The following CPQ variants were observed in gnomAD, a reference collection of about 807,000 sequenced individuals.
The protein encoded by CPQ is Ser-Met dipeptidase.
In CPQ, 37 loss-of-function variants were observed where a neutral mutation model predicts 45.7. The ratio of observed to expected loss-of-function variants is 0.81; its 90% CI spans 0.62 to 1.07. The LOEUF is 1.07. CPQ is among the 50% of genes least tolerant of loss of function. CPQ has a pLI of 0.00. For missense variants in CPQ, 537 were observed against 572.9 expected (o/e 0.94, Z 0.64); for synonymous variants, 186 against 205.8 (o/e 0.90, Z 0.82).
intron 6 of CPQ, among the ~76,000 whole-genome samples, chr8:97,037,107 A>G (rs377352360): frequency 2.0e-5 from 3 of 152,236 alleles, no homozygotes; most frequent in African/African-American, 7.2e-5. Flanking sequence ...CTCTTTATGT[A>G]TAGAAATACA....
intron 1 of CPQ, among the ~76,000 whole-genome samples, chr8:96,775,380 A>C (rs1306702713): frequency 6.6e-6 from 1 of 152,190 alleles, no homozygotes; most frequent in Non-Finnish European, 1.5e-5. Flanking sequence ...TTATTTCAAA[A>C]TGTGAATTCT....
chr8:97,063,566 A>G (rs1810588414), intron 6 of CPQ, among the ~76,000 whole-genome samples: 1 of 152,068 alleles, frequency 6.6e-6, no homozygotes. Context: ...CCAGAATGGT[A>G]TGCCTAGGTT....
chr8:96,784,881 A>G lies in CPQ; in HGVS notation c.-17A>G. The stretch of plus-strand genomic sequence containing the variant: ...TTATGTAGATTATCTTAACAAGAAA[A>G]CCAACTGGAAAAAAAAATGAAATTC... On this transcript the variant is annotated 5_prime_UTR_variant, in exon 2 of 8. Transcript: ENST00000220763. The G allele has an allele frequency of 6.3e-7, 1 of 1,585,904 alleles. No homozygotes were observed. The highest frequency in any genetic ancestry group is 8.6e-7 in the Non-Finnish European group (1 of 1,169,148).
intron 5 of CPQ, among the ~76,000 whole-genome samples, chr8:96,974,315 A>T (rs1177274793): frequency 6.6e-6 from 1 of 152,214 alleles, no homozygotes; most frequent in Non-Finnish European, 1.5e-5. Flanking sequence ...TCCAACAGGA[A>T]AATATCACAA....
chr8:96,707,106 TATAGCTGTAAAA>T (rs1809540371), intron 1 of CPQ, among the ~76,000 whole-genome samples: 1 of 152,088 alleles, frequency 6.6e-6, no homozygotes, highest in African/African-American at 2.4e-5. Flanking sequence ...AAAGGAGGCT[TATAGCTGTAAAA>T]ATAGCCCTGT....
intron 3 of CPQ, among the ~76,000 whole-genome samples, chr8:96,857,215 G>A (rs541316489): frequency 9.2e-5 from 14 of 152,320 alleles, no homozygotes; most frequent in Admixed American, 2.6e-4. Context: ...AAGGTCACTA[G>A]AGAAGAAATG....
chr8:96,772,976 T>C (rs1212255483), intron 1 of CPQ, among the ~76,000 whole-genome samples: 1 of 152,186 alleles, frequency 6.6e-6, no homozygotes, highest in Non-Finnish European at 1.5e-5. Context: ...TGCCACCCCA[T>C]TTTTAAATAT....
intron 1 of CPQ, among the ~76,000 whole-genome samples, chr8:96,682,605 T>G (rs1809166404): frequency 6.6e-6 from 1 of 152,226 alleles, no homozygotes; most frequent in Non-Finnish European, 1.5e-5. Context: ...AATATTTGTT[T>G]TATATATCTA....
intron 6 of CPQ, among the ~76,000 whole-genome samples, chr8:97,056,909 C>G (rs1257197526): frequency 6.6e-6 from 1 of 152,136 alleles, no homozygotes; most frequent in Non-Finnish European, 1.5e-5. Context: ...CAACATTTTT[C>G]AGTAGTTGCT....
intron 3 of CPQ, among the ~76,000 whole-genome samples, chr8:96,869,203 G>C (rs1812033400): frequency 6.6e-6 from 1 of 151,850 alleles, no homozygotes; most frequent in African/African-American, 2.4e-5. Context: ...GTTTTCAAAA[G>C]TTAATTCTAA....
At chr8:96,881,671 C>A (rs1337654641) in intron 4 of CPQ, among the ~76,000 whole-genome samples, 1 of 152,170 alleles carries the variant, frequency 6.6e-6, no homozygotes, top group Non-Finnish European at 1.5e-5. Flanking sequence ...GACCCAGGAT[C>A]TTGTGAATAT....
At chr8:96,649,286 A>G (rs888500720) in intron 1 of CPQ, among the ~76,000 whole-genome samples, 4 of 152,196 alleles carry the variant, frequency 2.6e-5, no homozygotes, top group Non-Finnish European at 4.4e-5. Flanking sequence ...TCTTTTCAGC[A>G]TTTTTAAGCT....
intron 1 of CPQ, among the ~76,000 whole-genome samples, chr8:96,662,346 A>G (rs1815710014): frequency 6.6e-6 from 1 of 152,206 alleles, no homozygotes; most frequent in South Asian, 2.1e-4. Flanking sequence ...AAGATATGTG[A>G]TAATAAAATG....
intron 5 of CPQ, among the ~76,000 whole-genome samples, chr8:97,021,376 A>G (rs1218650798): frequency 6.6e-6 from 1 of 152,188 alleles, no homozygotes; most frequent in East Asian, 1.9e-4. Flanking sequence ...TAGCCAGAGC[A>G]GTCAGACAAG....
chr8:97,013,839 T>C (rs549514973), intron 5 of CPQ, among the ~76,000 whole-genome samples: 2 of 152,310 alleles, frequency 1.3e-5, no homozygotes, highest in African/African-American at 4.8e-5. Flanking sequence ...AGGAAGTGTG[T>C]AGGAAAATAC....
intron 4 of CPQ, among the ~76,000 whole-genome samples, chr8:96,892,081 A>G (rs1812384025): frequency 6.6e-6 from 1 of 152,194 alleles, no homozygotes; most frequent in Non-Finnish European, 1.5e-5. Flanking sequence ...TTTGCTAATG[A>G]ATCCTGTTTT....
At chr8:96,719,234 G>A (rs1184798909) in intron 1 of CPQ, among the ~76,000 whole-genome samples, 2 of 152,362 alleles carry the variant, frequency 1.3e-5, no homozygotes, top group East Asian at 3.9e-4. Flanking sequence ...CTGCCCCGCA[G>A]GAAGGCAGCT....
chr8:96,971,511 A>G (rs993316415), intron 5 of CPQ, among the ~76,000 whole-genome samples: 6 of 152,214 alleles, frequency 3.9e-5, no homozygotes, highest in Non-Finnish European at 8.8e-5. Context: ...ATTTTAAAAC[A>G]TTCCATGAAC....
chr8:96,767,848 T>TG (rs1810489487), intron 1 of CPQ, among the ~76,000 whole-genome samples: 1 of 151,998 alleles, frequency 6.6e-6, no homozygotes, highest in African/African-American at 2.4e-5. Context: ...TTTCACATGT[T>TG]GGCCAGGCTG....
Sources: allele counts gnomAD v4.1 joint callset (sites outside exome capture counted in the v4.1 genomes callset), GRCh38; gene constraint gnomAD v4.1.1; transcripts MANE v1.5; gene names NCBI Gene and HGNC (gene_info 2026-07-23, HGNC 2026-07-21).